Variants in RYR3 observed in about 807,000 individuals in gnomAD.
RYR3 encodes brain ryanodine receptor-calcium release channel.
Under a neutral mutation model 584.3 loss-of-function variants are expected in RYR3, and 207 were observed. The observed-to-expected ratio is 0.35, with a 90% CI of 0.32 to 0.40. The LOEUF (loss-of-function observed/expected upper bound fraction) is 0.40, where lower values mean the gene tolerates loss of function less well. Ranked by LOEUF, RYR3 falls within the 10% of genes least tolerant of loss-of-function variation. The pLI is 1.00. For missense variants in RYR3, 5,616 were observed against 6,089.2 expected (o/e 0.92, Z 2.59); for synonymous variants, 2,416 against 2,248.5 (o/e 1.07, Z -2.11).
chr15:33,477,601 C>T (rs2049504039), intron 2 of RYR3, among the ~76,000 whole-genome samples: 1 of 126,468 alleles, frequency 7.9e-6, no homozygotes, highest in Non-Finnish European at 1.7e-5. Context: ...AAAGGCTGGG[C>T]GCGGTGGCTC....
intron 1 of RYR3, among the ~76,000 whole-genome samples, chr15:33,464,473 T>TAG (rs2048297938): frequency 3.8e-5 from 3 of 78,428 alleles, no homozygotes; most frequent in Admixed American, 1.2e-4. Flanking sequence ...GATATATATA[T>TAG]ATATATATAT....
chr15:33,770,459 A>G (rs1249987659), intron 62 of RYR3, among the ~76,000 whole-genome samples: 1 of 152,158 alleles, frequency 6.6e-6, no homozygotes, highest in Non-Finnish European at 1.5e-5. Flanking sequence ...TGGGACTAGA[A>G]AGTTAGGAAG....
At chr15:33,832,672 A>C (rs1171234150) in intron 86 of RYR3, among the ~76,000 whole-genome samples, 1 of 143,312 alleles carries the variant, frequency 7.0e-6, no homozygotes, top group African/African-American at 2.6e-5. Context: ...AAAAAAAAAA[A>C]CCCTACATAC....
Position 33,813,524 on chromosome 15 carries a change from C to T in RYR3, c.10447C>T (p.Arg3483Trp). 1.9e-6 allele frequency: 3 copies of T among 1,613,986 alleles called. No homozygotes were observed. The highest frequency in any genetic ancestry group is 2.5e-6 in the Non-Finnish European group (3 of 1,179,886). ...AVWHKLLSKQ[R>W]KRAVVACFRM... Reference sequence around the variant, plus strand: ...CTGGCACAAACTGTTATCAAAGCAACGGAAACGGGCAGTGGTGGCCTGTTT... The same window carrying T: ...CTGGCACAAACTGTTATCAAAGCAATGGAAACGGGCAGTGGTGGCCTGTTT... The change falls in exon 74 of 104, where the codon CGG (arginine) becomes TGG (tryptophan). Residue 3483 changes from arginine to tryptophan, a missense_variant. By Grantham distance (101) the Arg-to-Trp change is moderately radical. Transcript: ENST00000634891.
At position 33,489,517 on chromosome 15, in the gene RYR3, G is replaced by A. The variant is rs567192939; in HGVS notation, c.172-14114G>A. ...GATATTAGCCTCCAGCTCCATCCAT[G>A]TTCCCACAAAAGACGTAACATCGCT... On this transcript the variant is annotated intron_variant, in intron 2 of 103. Transcript: ENST00000634891. 1.5e-4 allele frequency among the ~76,000 whole-genome samples: 23 copies of A among 152,314 alleles called. 1 individual carries two copies. In the South Asian group the frequency reaches 2.3e-3, roughly 15 times the overall value.
chr15:33,707,479 G>A (rs1180105779), intron 43 of RYR3, among the ~76,000 whole-genome samples: 2 of 152,102 alleles, frequency 1.3e-5, no homozygotes, highest in Non-Finnish European at 2.9e-5. Flanking sequence ...AGCTGTAAAA[G>A]ATAAGTAAAC....
intron 1 of RYR3, among the ~76,000 whole-genome samples, chr15:33,356,669 G>C (rs1264851330): frequency 3.9e-5 from 6 of 152,186 alleles, no homozygotes; most frequent in Non-Finnish European, 8.8e-5. Context: ...GAGGTAAGTA[G>C]TAAGGAGTAA....
Position 33,649,066 on chromosome 15 carries a change from C to T in RYR3, c.3979-6C>T, listed in dbSNP as rs775434555. 1.2e-6 allele frequency: 2 copies of T among 1,612,142 alleles called. No homozygotes were observed. Among genetic ancestry groups the T allele is most frequent in the Admixed American group, 1.7e-5 (1 of 59,996 alleles). On this transcript the variant is annotated splice_polypyrimidine_tract_variant and splice_region_variant and intron_variant, in intron 30 of 103. Coordinates refer to ENST00000634891, the MANE Select transcript of RYR3 (RefSeq NM_001036.6). Reference sequence around the variant, plus strand: ...CCATTGACTCCCCTCTGCGGTCTCTCCACAGCAGTGCTACTACGCCATCCG... The same window carrying T: ...CCATTGACTCCCCTCTGCGGTCTCTTCACAGCAGTGCTACTACGCCATCCG...
rs535878525 is a variant in RYR3 at position 33,316,191 on chromosome 15, G to A, written c.51+5095G>A. Among the ~76,000 whole-genome samples the A allele has an allele frequency of 6.3e-4, 96 of 152,252 alleles. 1 individual carries two copies. The highest frequency in any genetic ancestry group is 8.1e-4 in the Non-Finnish European group (55 of 68,020). On this transcript the variant is annotated intron_variant, in intron 1 of 103. Coordinates refer to ENST00000634891, the MANE Select transcript of RYR3 (RefSeq NM_001036.6). ...TCTGATAATTATTTTTGAAGGATTT[G>A]TATTTAAATAAGGCATAGCTATCTG...
chr15:33,861,147 A>T lies in RYR3; in HGVS notation c.14434A>T (p.Thr4812Ser). Residue 4812 changes from threonine (T) to serine (S), a missense_variant, in exon 102 of 104, where the codon ACA becomes TCA. This residue lies in a region of RYR3 where 918 missense variants were observed against 887.4 expected (regional missense o/e 1.03). Coordinates refer to ENST00000634891, the MANE Select transcript of RYR3 (RefSeq NM_001036.6). ...AACCCCTCATGGTTTTGAAACACAT[A>T]CATTACAAGAGCACAACTTAGCCAA... ...DTTPHGFETH[T>S]LQEHNLANYL... is the part of the protein sequence containing the mutation. 6.3e-7 allele frequency: 1 copy of T among 1,595,654 alleles called. No homozygotes were observed. The highest frequency in any genetic ancestry group is 8.5e-7 in the Non-Finnish European group (1 of 1,170,028).
chr15:33,570,804 T>A (rs990196342), intron 12 of RYR3, among the ~76,000 whole-genome samples: 6 of 146,986 alleles, frequency 4.1e-5, no homozygotes, highest in African/African-American at 1.5e-4. Flanking sequence ...AATGTATTCC[T>A]ATGTATTTGA....
At chr15:33,458,157 A>C (rs2047715175) in intron 1 of RYR3, among the ~76,000 whole-genome samples, 1 of 152,142 alleles carries the variant, frequency 6.6e-6, no homozygotes, top group African/African-American at 2.4e-5. Flanking sequence ...AGCACTTAGT[A>C]AGCTGAGTAA....
At chr15:33,700,736 G>A (rs758175844) in intron 41 of RYR3, among the ~76,000 whole-genome samples, 9 of 152,172 alleles carry the variant, frequency 5.9e-5, no homozygotes, top group Non-Finnish European at 1.2e-4. Flanking sequence ...ACATGGTCCC[G>A]GTTGGTAGTG....
chr15:33,826,320 ATCTCATTTAATTG>A, intron 83 of RYR3, 51 bp downstream of exon 83: 6 of 1,575,412 alleles, frequency 3.8e-6, no homozygotes, highest in Middle Eastern at 1.7e-4. Context: ...ATCCTAGGAG[ATCTCATTTAATTG>A]CCTCAGCACA....
rs562937408 is a variant in RYR3 at position 33,843,580 on chromosome 15, A to T, written c.13296+6A>T. 1 of 1,560,194 alleles carries T rather than the reference A, an allele frequency of 6.4e-7. No individual in the cohort carries two copies. The highest frequency in any genetic ancestry group is 1.2e-5 in the South Asian group (1 of 86,194). On this transcript the variant is annotated splice_donor_region_variant and intron_variant, in intron 92 of 103. Coordinates refer to ENST00000634891, the MANE Select transcript of RYR3 (RefSeq NM_001036.6). ...TCATCCTGCTTTTTTATAAGGTGAT[A>T]CTTCATTCAGGGGTTATTTGCTAAA... is the stretch of plus-strand genomic sequence containing the variant.
rs1005877399 is a variant in RYR3, at chr15:33,816,001, G to A, written c.10503-861G>A. The A allele has an allele frequency of 1.1e-4, 44 of 397,124 alleles. No homozygotes were observed. The Middle Eastern group carries it at 1.9e-3, about 17-fold the overall frequency. 24.6% of individuals were successfully genotyped at this position (397,124 alleles called of 1,614,324 possible). ...CCTCCTTTATTGACCATGATTTAAC[G>A]TTACCATAAGAACACGAATTTGTAC... On this transcript the variant is annotated intron_variant, in intron 74 of 103. Transcript: ENST00000634891.
intron 59 of RYR3, among the ~76,000 whole-genome samples, chr15:33,757,245 T>C (rs1040475339): frequency 2.0e-5 from 3 of 152,174 alleles, no homozygotes; most frequent in African/African-American, 4.8e-5. Flanking sequence ...ACACATTTCT[T>C]TGGGCCCTTA....
At chr15:33,428,094 G>A (rs1028686219) in intron 1 of RYR3, among the ~76,000 whole-genome samples, 2 of 152,178 alleles carry the variant, frequency 1.3e-5, no homozygotes, top group South Asian at 2.1e-4. Flanking sequence ...TGAAGGTAAG[G>A]CTTGTGTCTT....
At chr15:33,489,154 A>G (rs912227919) in intron 2 of RYR3, among the ~76,000 whole-genome samples, 2 of 152,002 alleles carry the variant, frequency 1.3e-5, no homozygotes, top group African/African-American at 4.8e-5. Flanking sequence ...AATGCCTACA[A>G]TTTTTTTTAG....
Sources: gnomAD v4.1 joint callset for allele counts (sites outside exome capture counted in the v4.1 genomes callset) on GRCh38, gnomAD v4.1.1 for gene constraint, gnomAD v4.1.1 regional missense constraint, MANE v1.5 for transcripts, NCBI Gene and HGNC (gene_info 2026-07-23, HGNC 2026-07-21) for gene names.